RBPMS: variants seen among roughly 807,000 people sequenced by gnomAD.
The protein encoded by RBPMS is RNA-binding protein with multiple splicing.
A neutral mutation model predicts 26.8 loss-of-function variants in RBPMS; 7 were observed. That is an observed-to-expected ratio of 0.26 (90% confidence interval 0.15 to 0.49). RBPMS has a LOEUF of 0.49. Ranked by LOEUF, RBPMS falls within the 20% of genes least tolerant of loss-of-function variation. RBPMS has a pLI of 0.98. For synonymous variants in RBPMS, 96 were observed against 93.3 expected, an observed-to-expected ratio of 1.03 and a Z score of -0.17; for missense variants, 186 against 250.0, an observed-to-expected ratio of 0.74 and a Z score of 1.73.
intron 4 of RBPMS, among the ~76,000 whole-genome samples, chr8:30,488,738 A>G (rs1292245809): frequency 1.3e-5 from 2 of 152,220 alleles, no homozygotes; most frequent in African/African-American, 4.8e-5. Context: ...TTAAAAACAT[A>G]CTGTGTATTT....
intron 6 of RBPMS, chr8:30,547,525 G>A (rs1274653039): frequency 3.4e-6 from 5 of 1,491,216 alleles, no homozygotes; most frequent in Middle Eastern, 1.8e-4. Flanking sequence ...ATGAACTCAA[G>A]TAGACTGCAG....
intron 1 of RBPMS, among the ~76,000 whole-genome samples, chr8:30,409,449 T>C (rs1694003923): frequency 6.6e-6 from 1 of 152,130 alleles, no homozygotes; most frequent in South Asian, 2.1e-4. Context: ...TGCCTCGGCC[T>C]CCCAAAGTGC....
At chr8:30,432,582 C>G (rs1242929681) in intron 1 of RBPMS, among the ~76,000 whole-genome samples, 3 of 152,136 alleles carry the variant, frequency 2.0e-5, no homozygotes, top group African/African-American at 7.2e-5. Flanking sequence ...CAACTACCTC[C>G]ATGAAAGTAG....
intron 1 of RBPMS, among the ~76,000 whole-genome samples, chr8:30,415,637 A>T (rs1809977575): frequency 6.6e-6 from 1 of 152,112 alleles, no homozygotes; most frequent in Admixed American, 6.5e-5. Context: ...AGAGTCTTGG[A>T]TGGGGAGAGG....
At chr8:30,524,841 AACTTT>A (rs1823413057) in intron 5 of RBPMS, among the ~76,000 whole-genome samples, 1 of 152,208 alleles carries the variant, frequency 6.6e-6, no homozygotes, top group Non-Finnish European at 1.5e-5. Flanking sequence ...CTTAATTTCA[AACTTT>A]ATCAGTAAAA....
At chr8:30,532,780 G>C (rs968572073) in intron 5 of RBPMS, among the ~76,000 whole-genome samples, 8 of 152,114 alleles carry the variant, frequency 5.3e-5, no homozygotes, top group Non-Finnish European at 1.0e-4. Context: ...ACACTTTTCA[G>C]ATGACATACC....
At chr8:30,427,780 A>G (rs184350046) in intron 1 of RBPMS, among the ~76,000 whole-genome samples, 191 of 152,318 alleles carry the variant, frequency 1.3e-3, no homozygotes, top group African/African-American at 4.4e-3. Context: ...CACAGGACGC[A>G]GATTCTAGCT....
chr8:30,445,649 G>GAT (rs59580323), intron 1 of RBPMS, among the ~76,000 whole-genome samples: 1,848 of 107,308 alleles, frequency 0.017, 111 homozygotes, highest in African/African-American at 0.032. Flanking sequence ...TATACACACG[G>GAT]ATATATATAT....
At chr8:30,477,146 G>A (rs376013470) in intron 2 of RBPMS, among the ~76,000 whole-genome samples, 1 of 152,034 alleles carries the variant, frequency 6.6e-6, no homozygotes, top group East Asian at 1.9e-4. Context: ...TCTGCCTCCC[G>A]GGTTCATACC....
chr8:30,558,811 G>C (rs772837411), intron 6 of RBPMS, 76 bp from the exon 7 acceptor site: 1 of 1,253,688 alleles, frequency 8.0e-7, no homozygotes, highest in South Asian at 1.2e-5. Flanking sequence ...GGAAGTGGTA[G>C]CCAAGCAGGA....
chr8:30,544,883 C>A, intron 6 of RBPMS: 1 of 1,494,086 alleles, frequency 6.7e-7, no homozygotes, highest in South Asian at 1.3e-5. Flanking sequence ...TCATATCGCA[C>A]ATGAGAGACC....
At chr8:30,474,113 A>AAG (rs1817440570) in intron 1 of RBPMS, among the ~76,000 whole-genome samples, 1 of 152,130 alleles carries the variant, frequency 6.6e-6, no homozygotes, top group Admixed American at 6.6e-5. Context: ...CAACAACAAA[A>AAG]ATGCAATGGG....
Position 30,477,833 on chromosome 8 carries a change from A to C in RBPMS, c.179A>C (p.Lys60Thr). 1 of 1,606,762 alleles carries C rather than the reference A, an allele frequency of 6.2e-7. No individual in the cohort carries two copies. The highest frequency in any genetic ancestry group is 8.5e-7 in the Non-Finnish European group (1 of 1,173,774). The stretch of plus-strand genomic sequence containing the variant: ...GGTTCTCTTATAAAGCTCACATCTA[A>C]ACAGGTAAGAATTTCAAAGTGGCAT... ...YEGSLIKLTS[K>T]QPVGFVSFDS... Residue 60 changes from lysine to threonine, a missense_variant, in exon 3 of 9, where the codon AAA becomes ACA. This residue lies in a region of RBPMS where 50 missense variants were observed against 108.5 expected (regional missense o/e 0.46). Coordinates refer to ENST00000397323, the MANE Select transcript of RBPMS (RefSeq NM_001008710.3).
intron 3 of RBPMS, among the ~76,000 whole-genome samples, chr8:30,478,351 A>C (rs1233375906): frequency 6.6e-6 from 1 of 152,020 alleles, no homozygotes; most frequent in East Asian, 1.9e-4. Flanking sequence ...TAAGCTAAAC[A>C]CTTGGCATAC....
At chr8:30,446,741 C>A (rs539388611) in intron 1 of RBPMS, among the ~76,000 whole-genome samples, 2 of 151,548 alleles carry the variant, frequency 1.3e-5, no homozygotes, top group African/African-American at 4.9e-5. Context: ...AGCGATCTAC[C>A]CACCTCAGTC....
intron 6 of RBPMS, chr8:30,555,859 C>A: frequency 1.0e-6 from 1 of 984,570 alleles, no homozygotes. Context: ...TAAGAGAGAA[C>A]CCTCTCCTCA....
chr8:30,420,458 C>T (rs1009034846), intron 1 of RBPMS, among the ~76,000 whole-genome samples: 2 of 151,976 alleles, frequency 1.3e-5, no homozygotes, highest in African/African-American at 2.4e-5. Context: ...CTTTCCACAC[C>T]GGATATCAAA....
chr8:30,545,438 A>C, intron 6 of RBPMS: 4 of 1,014,820 alleles, frequency 3.9e-6, no homozygotes, highest in Non-Finnish European at 4.7e-6. Context: ...TTGGCCTGCA[A>C]AGATTGATGA....
chr8:30,440,580 G>A (rs1402260800), intron 1 of RBPMS, among the ~76,000 whole-genome samples: 3 of 152,090 alleles, frequency 2.0e-5, no homozygotes, highest in Non-Finnish European at 2.9e-5. Flanking sequence ...GGATGTTTGG[G>A]TTGCTTCCAC....
Sources: allele counts gnomAD v4.1 joint callset (sites outside exome capture counted in the v4.1 genomes callset), GRCh38; gene constraint gnomAD v4.1.1; regional missense constraint gnomAD v4.1.1; transcripts MANE v1.5; gene names NCBI Gene and HGNC (gene_info 2026-07-23, HGNC 2026-07-21).